Variants in TRAPPC9 observed in about 807,000 individuals in gnomAD.
TRAPPC9 encodes trafficking protein particle complex subunit 9.
In TRAPPC9, 83 loss-of-function variants were observed where a neutral mutation model predicts 124.0. That is an observed-to-expected ratio of 0.67 (90% CI 0.56 to 0.80). TRAPPC9 has a LOEUF of 0.80. Ranked by LOEUF, TRAPPC9 falls within the 30% of genes least tolerant of loss-of-function variation. TRAPPC9 has a pLI of 0.00. For synonymous variants in TRAPPC9, 638 were observed against 617.5 expected, an observed-to-expected ratio of 1.03 and a Z score of -0.49; for missense variants, 1,302 against 1,508.3, an observed-to-expected ratio of 0.86 and a Z score of 2.27.
chr8:140,152,152 C>G (rs1436514101), intron 17 of TRAPPC9, among the ~76,000 whole-genome samples: 2 of 149,598 alleles, frequency 1.3e-5, no homozygotes, highest in East Asian at 2.0e-4. Flanking sequence ...AAAAAAGCCT[C>G]GGACAGCATA....
intron 16 of TRAPPC9, among the ~76,000 whole-genome samples, chr8:140,236,148 T>C (rs182405508): frequency 1.3e-5 from 2 of 149,660 alleles, no homozygotes; most frequent in African/African-American, 4.9e-5. Flanking sequence ...TGTGGCGTGA[T>C]CTTGGCTCAC....
intron 5 of TRAPPC9, among the ~76,000 whole-genome samples, chr8:140,409,774 T>C (rs2069628342): frequency 6.6e-6 from 1 of 152,208 alleles, no homozygotes; most frequent in African/African-American, 2.4e-5. Flanking sequence ...ATTAATGTGT[T>C]TATTTAAAAA....
chr8:140,088,018 C>T (rs1844313081), intron 17 of TRAPPC9, among the ~76,000 whole-genome samples: 1 of 151,984 alleles, frequency 6.6e-6, no homozygotes, highest in African/African-American at 2.4e-5. Context: ...ATGGCTATCT[C>T]TTTCTCATGG....
intron 9 of TRAPPC9, among the ~76,000 whole-genome samples, chr8:140,343,051 A>G (rs1366731552): frequency 6.6e-6 from 1 of 152,232 alleles, no homozygotes; most frequent in Non-Finnish European, 1.5e-5. Context: ...AATCCAGCAA[A>G]AATAACACAT....
At chr8:140,328,815 T>C (rs1437033305) in intron 9 of TRAPPC9, among the ~76,000 whole-genome samples, 2 of 151,996 alleles carry the variant, frequency 1.3e-5, no homozygotes, top group Non-Finnish European at 2.9e-5. Flanking sequence ...AGTTATAATT[T>C]ACGAATTAGG....
intron 20 of TRAPPC9, among the ~76,000 whole-genome samples, chr8:139,903,659 A>C (rs1200350236): frequency 6.6e-6 from 1 of 152,174 alleles, no homozygotes; most frequent in South Asian, 2.1e-4. Context: ...AGTTCCTTTC[A>C]CACACTCATC....
chr8:140,054,135 C>T (rs540950515), intron 17 of TRAPPC9, among the ~76,000 whole-genome samples: 1 of 152,256 alleles, frequency 6.6e-6, no homozygotes, highest in South Asian at 2.1e-4. Context: ...TACACACAGA[C>T]ATAAAGATGG....
intron 7 of TRAPPC9, among the ~76,000 whole-genome samples, chr8:140,379,074 C>A (rs2068527934): frequency 6.6e-6 from 1 of 151,334 alleles, no homozygotes; most frequent in East Asian, 1.9e-4. Context: ...TGAAATTTTT[C>A]TTTTCTTTCT....
intron 19 of TRAPPC9, among the ~76,000 whole-genome samples, chr8:139,965,070 C>G (rs953398952): frequency 6.6e-6 from 1 of 152,006 alleles, no homozygotes. Context: ...CTGTAACTCT[C>G]TGTGGACTGG....
intron 21 of TRAPPC9, among the ~76,000 whole-genome samples, chr8:139,748,375 A>AG (rs1190052473): frequency 1.2e-4 from 6 of 49,806 alleles, no homozygotes; most frequent in South Asian, 7.8e-4. Context: ...CAGAGCAGGT[A>AG]GGGGGGCGTA....
intron 7 of TRAPPC9, among the ~76,000 whole-genome samples, chr8:140,386,527 C>A (rs1048890273): frequency 6.6e-6 from 1 of 152,072 alleles, no homozygotes; most frequent in Non-Finnish European, 1.5e-5. Context: ...CAATAACAGA[C>A]AAACAGAGAG....
Position 139,731,174 on chromosome 8 carries a change from C to A in TRAPPC9, c.3334G>T (p.Gly1112Ter). ...CLGALLFLYT[G>*]DFFLHIRFHE... ...AACCGGATGTGGAGGAAGAAGTCTC[C>A]CGTGTAGAGGAAGAGGAGGGCCCCG... Residue 1112 changes from glycine (G) to a stop codon, truncating the protein, a stop_gained, in exon 23 of 23, where the codon GGA (glycine) becomes TGA (stop). Coordinates refer to ENST00000438773, the MANE Select transcript of TRAPPC9 (RefSeq NM_001160372.4). LOFTEE classifies it high-confidence loss of function. The A allele has an allele frequency of 6.2e-7, 1 of 1,613,896 alleles. No homozygotes were observed. Among genetic ancestry groups the A allele is most frequent in the Non-Finnish European group, 8.5e-7 (1 of 1,179,986 alleles).
chr8:139,881,229 C>A (rs1211319189), intron 21 of TRAPPC9: 2 of 152,168 alleles, frequency 1.3e-5, no homozygotes, highest in Non-Finnish European at 2.9e-5. Context: ...CTGGACTACC[C>A]CTCCCTGGGG....
chr8:140,029,082 G>A (rs995419193), intron 17 of TRAPPC9, among the ~76,000 whole-genome samples: 1 of 152,192 alleles, frequency 6.6e-6, no homozygotes, highest in Non-Finnish European at 1.5e-5. Flanking sequence ...AATCAGGGAA[G>A]AGTATCAATA....
chr8:139,878,757 G>C (rs1251904670), intron 21 of TRAPPC9, among the ~76,000 whole-genome samples: 1 of 152,198 alleles, frequency 6.6e-6, no homozygotes, highest in African/African-American at 2.4e-5. Context: ...TTGAGGCCGG[G>C]AGTTCAAGAC....
chr8:140,156,999 C>A (rs1313946970), intron 17 of TRAPPC9, among the ~76,000 whole-genome samples: 2 of 98,978 alleles, frequency 2.0e-5, no homozygotes, highest in Non-Finnish European at 2.1e-5. Flanking sequence ...TCAAAAGCCT[C>A]CCTTTTCCAT....
intron 9 of TRAPPC9, among the ~76,000 whole-genome samples, chr8:140,346,548 G>C (rs2067355935): frequency 6.6e-6 from 1 of 152,110 alleles, no homozygotes; most frequent in African/African-American, 2.4e-5. Flanking sequence ...ATTTTTAAAG[G>C]AGTTAGTTAC....
chr8:140,140,029 A>G (rs1313759692), intron 17 of TRAPPC9, among the ~76,000 whole-genome samples: 3 of 152,238 alleles, frequency 2.0e-5, no homozygotes, highest in Non-Finnish European at 4.4e-5. Context: ...GACCACACCC[A>G]GTGAAGGCAG....
At chr8:140,458,518 G>A, upstream of TRAPPC9, 2 of 1,583,714 alleles carry the variant, frequency 1.3e-6, no homozygotes, top group Non-Finnish European at 1.7e-6. Context: ...AGCCTGGGCC[G>A]GCTTCCCCCT....
Sources: gnomAD v4.1 joint callset for allele counts (sites outside exome capture counted in the v4.1 genomes callset) on GRCh38, gnomAD v4.1.1 for gene constraint, MANE v1.5 for transcripts, NCBI Gene and HGNC (gene_info 2026-07-23, HGNC 2026-07-21) for gene names.